The following C16orf74 variants were observed in gnomAD, a reference collection of about 807,000 sequenced individuals.
C16orf74 encodes the protein uncharacterized protein C16orf74.
In C16orf74, 10 loss-of-function variants were observed where a neutral mutation model predicts 6.5. The observed-to-expected ratio is 1.54, with a 90% confidence interval of 0.95 to 2.61. The LOEUF (loss-of-function observed/expected upper bound fraction) is 2.61, where lower values mean the gene tolerates loss of function less well. Ranked by LOEUF, C16orf74 falls within the 30% of genes most tolerant of loss-of-function variation. C16orf74 has a pLI of 0.00. For synonymous variants in C16orf74, 60 were observed against 42.5 expected (o/e 1.41, Z -1.60); for missense variants, 141 against 105.9 (o/e 1.33, Z -1.45).
intron 2 of C16orf74, among the ~76,000 whole-genome samples, chr16:85,721,263 C>T (rs2054079746): frequency 6.6e-6 from 1 of 151,946 alleles, no homozygotes; most frequent in African/African-American, 2.4e-5. Flanking sequence ...GCCACGGAAA[C>T]ACTCGTGTGT....
intron 2 of C16orf74, among the ~76,000 whole-genome samples, chr16:85,725,198 C>G (rs919984174): frequency 6.6e-6 from 1 of 152,204 alleles, no homozygotes; most frequent in African/African-American, 2.4e-5. Context: ...ACCCCACTGC[C>G]CTGAGCCGAA....
intron 1 of C16orf74, among the ~76,000 whole-genome samples, chr16:85,736,208 GT>G (rs2054243072): frequency 2.0e-5 from 3 of 152,184 alleles, no homozygotes; most frequent in Non-Finnish European, 4.4e-5. Context: ...CTGGTTTGGA[GT>G]TAAGAGCTTA....
At chr16:85,715,863 G>A (rs2054017981) in intron 2 of C16orf74, among the ~76,000 whole-genome samples, 1 of 152,296 alleles carries the variant, frequency 6.6e-6, no homozygotes, top group Non-Finnish European at 1.5e-5. Flanking sequence ...CTGCAGGTGG[G>A]CAGGGCAGCT....
At chr16:85,724,182 G>A (rs2152061113) in intron 2 of C16orf74, among the ~76,000 whole-genome samples, 1 of 152,238 alleles carries the variant, frequency 6.6e-6, no homozygotes, top group Non-Finnish European at 1.5e-5. Flanking sequence ...GTGTGCCACT[G>A]CACCTGGCCC....
chr16:85,727,648 T>C (rs985793346), intron 2 of C16orf74, among the ~76,000 whole-genome samples: 30 of 126,870 alleles, frequency 2.4e-4, no homozygotes, highest in African/African-American at 9.7e-4. Flanking sequence ...CCATCTCTAC[T>C]AAAAATGCAA....
chr16:85,727,239 G>C (rs2054143192), intron 2 of C16orf74, among the ~76,000 whole-genome samples: 1 of 152,200 alleles, frequency 6.6e-6, no homozygotes, highest in African/African-American at 2.4e-5. Flanking sequence ...GAGGGATTCT[G>C]GGTTTTGGGT....
At chr16:85,744,843 A>AAAG (rs1424169153) in intron 1 of C16orf74, among the ~76,000 whole-genome samples, 1 of 131,870 alleles carries the variant, frequency 7.6e-6, no homozygotes, top group African/African-American at 2.7e-5. Context: ...AAAAAAAAAA[A>AAAG]AAAAAAACTC....
At chr16:85,708,956 G>A (rs1300058909) in intron 3 of C16orf74, among the ~76,000 whole-genome samples, 1 of 152,266 alleles carries the variant, frequency 6.6e-6, no homozygotes, top group Non-Finnish European at 1.5e-5. Flanking sequence ...CATCCGGCCT[G>A]GGGGCCACGG....
Position 85,727,964 on chromosome 16 carries a change from C to CAA in C16orf74, c.28+7224_28+7225dup, listed in dbSNP as rs59377902. On this transcript the variant is annotated intron_variant, in intron 2 of 3. Coordinates refer to ENST00000284245, the MANE Select transcript of C16orf74 (RefSeq NM_206967.3). ...GCAACAAAGCGAGACCCCTTCTCTA[C>CAA]AAAAAAAAAAAAAAAAAAAAAAAAA... 3.9e-3 allele frequency among the ~76,000 whole-genome samples: 296 copies of CAA among 75,702 alleles called. 2 individuals carry two copies. Among genetic ancestry groups the CAA allele is most frequent in the African/African-American group, 9.1e-3 (178 of 19,472 alleles). The allele number at this position is 75,702 out of a possible 152,430, so 49.7% of individuals were successfully genotyped here.
chr16:85,724,156 T>G (rs1220930227), intron 2 of C16orf74, among the ~76,000 whole-genome samples: 1 of 152,262 alleles, frequency 6.6e-6, no homozygotes, highest in Middle Eastern at 3.4e-3. Flanking sequence ...CCTCCCAAAG[T>G]GCTGGGATTA....
intron 1 of C16orf74, among the ~76,000 whole-genome samples, chr16:85,748,948 ATT>A (rs2054405476): frequency 1.1e-5 from 1 of 91,762 alleles, no homozygotes; most frequent in Non-Finnish European, 2.4e-5. Context: ...TTTTTTTTTT[ATT>A]TTATTTTTTT....
intron 2 of C16orf74, among the ~76,000 whole-genome samples, chr16:85,724,651 G>A (rs904000643): frequency 6.6e-6 from 1 of 152,174 alleles, no homozygotes; most frequent in South Asian, 2.1e-4. Flanking sequence ...GGGGATGACG[G>A]GGATGATGGG....
At chr16:85,729,891 G>A (rs185349340) in intron 2 of C16orf74, among the ~76,000 whole-genome samples, 21 of 152,292 alleles carry the variant, frequency 1.4e-4, no homozygotes, top group Admixed American at 7.8e-4. Context: ...TCAGAACAAT[G>A]AGAGAATAAA....
At position 85,736,644 on chromosome 16, in the gene C16orf74, C is replaced by T. The variant is rs191012382; in HGVS notation, c.-18-1409G>A. 5.6e-4 allele frequency among the ~76,000 whole-genome samples: 86 copies of T among 152,258 alleles called. 1 individual carries two copies. Among genetic ancestry groups the T allele is most frequent in the Admixed American group, 4.4e-3 (67 of 15,296 alleles). ...TATGAAAGGCAGCCATTCCAACTTACGAGTGGTCTCTGGAGCTTCCCCATT... is the reference window on the plus strand; with the variant it reads ...TATGAAAGGCAGCCATTCCAACTTATGAGTGGTCTCTGGAGCTTCCCCATT... On this transcript the variant is annotated intron_variant, in intron 1 of 3. Coordinates refer to ENST00000284245, the MANE Select transcript of C16orf74 (RefSeq NM_206967.3).
chr16:85,726,816 G>C (rs946238782), intron 2 of C16orf74, among the ~76,000 whole-genome samples: 1 of 152,098 alleles, frequency 6.6e-6, no homozygotes, highest in African/African-American at 2.4e-5. Flanking sequence ...CCTCTCCGGC[G>C]TTGTGGCCCC....
intron 1 of C16orf74, among the ~76,000 whole-genome samples, chr16:85,738,620 C>A (rs61155470): frequency 6.6e-6 from 1 of 151,934 alleles, no homozygotes; most frequent in Non-Finnish European, 1.5e-5. Flanking sequence ...TGTGAGCCAC[C>A]GCGCCGGGCC....
At chr16:85,738,157 A>G (rs1598803711) in intron 1 of C16orf74, among the ~76,000 whole-genome samples, 1 of 151,418 alleles carries the variant, frequency 6.6e-6, no homozygotes, top group African/African-American at 2.4e-5. Context: ...AGGTGGGAGG[A>G]TCACTTGAGC....
At chr16:85,718,031 G>T (rs898047458) in intron 2 of C16orf74, among the ~76,000 whole-genome samples, 1 of 152,252 alleles carries the variant, frequency 6.6e-6, no homozygotes, top group African/African-American at 2.4e-5. Flanking sequence ...GCTGGAGACA[G>T]GAGCAAGCGT....
intron 1 of C16orf74, among the ~76,000 whole-genome samples, chr16:85,738,199 C>T (rs770937360): frequency 2.6e-5 from 4 of 151,944 alleles, no homozygotes; most frequent in Middle Eastern, 3.4e-3. Flanking sequence ...GAACCTTGAT[C>T]GTGCCACTTC....
Sources: allele counts gnomAD v4.1 joint callset (sites outside exome capture counted in the v4.1 genomes callset), GRCh38; gene constraint gnomAD v4.1.1; transcripts MANE v1.5; gene names NCBI Gene and HGNC (gene_info 2026-07-23, HGNC 2026-07-21).